PCDHA8: variants seen among roughly 807,000 people sequenced by gnomAD.
PCDHA8 encodes protocadherin alpha 8.
PCDHA8 carries 53 observed loss-of-function variants against 61.8 expected under a neutral mutation model. The observed-to-expected ratio is 0.86, with a 90% CI of 0.69 to 1.08. The LOEUF (loss-of-function observed/expected upper bound fraction) is 1.08. PCDHA8 is among the 50% of genes least tolerant of loss of function. PCDHA8 has a pLI of 0.00. For missense variants in PCDHA8, 1,293 were observed against 1,245.0 expected, an observed-to-expected ratio of 1.04 and a Z score of -0.58; for synonymous variants, 618 against 556.6, an observed-to-expected ratio of 1.11 and a Z score of -1.55.
intron 1 of PCDHA8, among the ~76,000 whole-genome samples, chr5:140,959,117 G>A (rs2095468242): frequency 6.6e-6 from 1 of 152,174 alleles, no homozygotes; most frequent in South Asian, 2.1e-4. Flanking sequence ...CCGAAGGTGG[G>A]CGAGGTGAGC....
At chr5:140,904,858 CTGTT>C (rs1335177457) in intron 1 of PCDHA8, among the ~76,000 whole-genome samples, 1 of 152,072 alleles carries the variant, frequency 6.6e-6, no homozygotes, top group Non-Finnish European at 1.5e-5. Context: ...TGAGAATTGT[CTGTT>C]TATGTCCTTA....
chr5:140,912,222 C>G (rs782160814), intron 1 of PCDHA8, among the ~76,000 whole-genome samples: 2 of 151,926 alleles, frequency 1.3e-5, no homozygotes, highest in Non-Finnish European at 2.9e-5. Flanking sequence ...CTGCCTTTCC[C>G]AGTCCACTGA....
intron 1 of PCDHA8, chr5:140,877,640 G>T: frequency 6.2e-7 from 1 of 1,613,622 alleles, no homozygotes. Flanking sequence ...GCGCTGCGTT[G>T]CTCAGCGCCG....
intron 1 of PCDHA8, chr5:140,869,303 C>T (rs1403563775): frequency 6.2e-7 from 1 of 1,613,586 alleles, no homozygotes; most frequent in Non-Finnish European, 8.5e-7. Flanking sequence ...TTCCGGGTGG[C>T]GTCCAAAACA....
rs781872854 is a variant in PCDHA8 at position 140,856,136 on chromosome 5, C to T, written c.2394+12421C>T. On this transcript the variant is annotated intron_variant, in intron 1 of 3. Coordinates refer to ENST00000531613, the MANE Select transcript of PCDHA8 (RefSeq NM_018911.3). ...AGCCTGGGAGGTGGGGAGCGGCCAGCTCCACTACTCAGTCTACGAGGAGGC... is the reference window on the plus strand; with the variant it reads ...AGCCTGGGAGGTGGGGAGCGGCCAGTTCCACTACTCAGTCTACGAGGAGGC... 28 of 1,598,232 alleles carry T rather than the reference C, an allele frequency of 1.8e-5. 1 individual carries two copies. Among genetic ancestry groups the T allele is most frequent in the Non-Finnish European group, 2.4e-5 (28 of 1,167,860 alleles).
At chr5:141,007,395 CAAAAA>C (rs35800918) in intron 3 of PCDHA8, among the ~76,000 whole-genome samples, 1 of 94,866 alleles carries the variant, frequency 1.1e-5, no homozygotes, top group Non-Finnish European at 2.1e-5. Flanking sequence ...TACTAAAATA[CAAAAA>C]AAAAAAAAAA....
At chr5:140,882,279 C>A (rs1456228410) in intron 1 of PCDHA8, 1 of 1,612,386 alleles carries the variant, frequency 6.2e-7, no homozygotes, top group Non-Finnish European at 8.5e-7. Context: ...ATGCTGTCTT[C>A]CTGGCAAGGA....
intron 1 of PCDHA8, chr5:140,856,123 G>A (rs782708607): frequency 6.3e-7 from 1 of 1,598,078 alleles, no homozygotes; most frequent in African/African-American, 1.3e-5. Flanking sequence ...CCTGGGAGGT[G>A]GGGAGCGGCC....
At chr5:140,870,164 T>A in intron 1 of PCDHA8, 1 of 1,614,174 alleles carries the variant, frequency 6.2e-7, no homozygotes, top group African/African-American at 1.3e-5. Context: ...GTGACTTCCT[T>A]GTCCCTCCCA....
chr5:140,869,123 G>A, intron 1 of PCDHA8: 1 of 1,608,454 alleles, frequency 6.2e-7, no homozygotes, highest in South Asian at 1.1e-5. Flanking sequence ...TTTCAGAGAA[G>A]GGGATTGGGC....
intron 1 of PCDHA8, chr5:140,877,813 G>A (rs781966059): frequency 6.2e-7 from 1 of 1,610,266 alleles, no homozygotes; most frequent in Admixed American, 1.7e-5. Context: ...GCTGTCTCGA[G>A]AAGATTGTTT....
At chr5:140,880,663 G>A (rs1324939406) in intron 1 of PCDHA8, among the ~76,000 whole-genome samples, 1 of 152,210 alleles carries the variant, frequency 6.6e-6, no homozygotes, top group African/African-American at 2.4e-5. Flanking sequence ...AGGTAAAGGT[G>A]AGAGTAAATT....
chr5:140,870,806 A>C (rs546684407), intron 1 of PCDHA8: 10 of 1,613,686 alleles, frequency 6.2e-6, no homozygotes, highest in Admixed American at 5.0e-5. Flanking sequence ...CTGGCGACTC[A>C]GGCTGGCAGC....
At chr5:140,868,826 G>A in intron 1 of PCDHA8, 1 of 406,060 alleles carries the variant, frequency 2.5e-6, no homozygotes, top group Non-Finnish European at 4.3e-6. Flanking sequence ...TTTGGGGGAA[G>A]AAACCCAAAA....
At position 140,859,521 on chromosome 5, in the gene PCDHA8, A is replaced by T. The variant is rs187641727; in HGVS notation, c.2394+15806A>T. 138 of 194,130 alleles carry T rather than the reference A, an allele frequency of 7.1e-4. 7 individuals are homozygous for T. The highest frequency in any genetic ancestry group is 1.9e-3 in the East Asian group (11 of 5,678). 12.0% of individuals were successfully genotyped at this position (194,130 alleles called of 1,614,324 possible). A position where few individuals can be genotyped will look rare whatever the true frequency, so the allele number is the denominator to read the frequency against. On this transcript the variant is annotated intron_variant, in intron 1 of 3. Coordinates refer to ENST00000531613, the MANE Select transcript of PCDHA8 (RefSeq NM_018911.3). ...ACCTGATACCCATGATTTCATTTTTAAAAAAAATTTATTAATTCTAGTGTT... is the reference window on the plus strand; with the variant it reads ...ACCTGATACCCATGATTTCATTTTTTAAAAAAATTTATTAATTCTAGTGTT...
chr5:140,891,433 G>A (rs1256174929), intron 1 of PCDHA8, among the ~76,000 whole-genome samples: 1 of 145,874 alleles, frequency 6.9e-6, no homozygotes, highest in African/African-American at 2.6e-5. Flanking sequence ...AGTCCCCAAC[G>A]TCCATTGTAT....
chr5:140,900,214 T>C (rs782509259), intron 1 of PCDHA8, among the ~76,000 whole-genome samples: 3 of 152,216 alleles, frequency 2.0e-5, no homozygotes, highest in Non-Finnish European at 4.4e-5. Flanking sequence ...ATCCAGGTTG[T>C]TGCAAATGAC....
At chr5:140,854,461 G>A (rs1581342351) in intron 1 of PCDHA8, 1 of 149,954 alleles carries the variant, frequency 6.7e-6, no homozygotes, top group East Asian at 1.9e-4. Context: ...AGGCATTCCA[G>A]AGGAGTAGAG....
intron 1 of PCDHA8, chr5:140,875,198 G>A: frequency 7.2e-6 from 4 of 552,228 alleles, no homozygotes; most frequent in Non-Finnish European, 1.1e-5. Flanking sequence ...GACCCAGGAA[G>A]TGGCTAAACC....
Sources: gnomAD v4.1 joint callset for allele counts (sites outside exome capture counted in the v4.1 genomes callset) on GRCh38, gnomAD v4.1.1 for gene constraint, MANE v1.5 for transcripts, NCBI Gene and HGNC (gene_info 2026-07-23, HGNC 2026-07-21) for gene names.